HIF3A: variants seen among roughly 807,000 people sequenced by gnomAD.
The protein encoded by HIF3A is hypoxia-inducible factor 3-alpha.
A neutral mutation model predicts 67.2 loss-of-function variants in HIF3A; 41 were observed. The ratio of observed to expected loss-of-function variants is 0.61; its 90% CI spans 0.48 to 0.79. The LOEUF (loss-of-function observed/expected upper bound fraction) is 0.79. Among genes scored for constraint, HIF3A ranks in the 30% least tolerant of loss-of-function variants. HIF3A has a pLI of 0.00. For synonymous variants in HIF3A, 356 were observed against 374.8 expected (o/e 0.95, Z 0.58); for missense variants, 855 against 898.0 (o/e 0.95, Z 0.61).
chr19:46,329,031 T>C, intron 11 of HIF3A, 176 bp from the exon 12 acceptor site: 2 of 537,516 alleles, frequency 3.7e-6, no homozygotes, highest in Non-Finnish European at 6.3e-6. Context: ...TGACCCAGTT[T>C]AGGATTTCTC....
In HIF3A at chr19:46,329,305, C is replaced by T. The variant is rs1377247893; in HGVS notation, c.1539C>T (p.His513=). 6.2e-7 allele frequency: 1 copy of T among 1,613,430 alleles called. No homozygotes were observed. The highest frequency in any genetic ancestry group is 2.2e-5 in the East Asian group (1 of 44,876). ...GCGAGCAGCTACCCAGGGCCTACCA[C>T]AGACCTCTGGGGGCTGTCCCCCGGC... is the stretch of plus-strand genomic sequence containing the variant. ...NASEQLPRAY[H]RPLGAVPRPR... Residue 513 remains histidine, a synonymous_variant, in exon 12 of 15, where the codon CAC becomes CAT. Coordinates refer to ENST00000377670, the MANE Select transcript of HIF3A (RefSeq NM_152795.4).
chr19:46,310,502 C>T (rs1871206264), intron 6 of HIF3A: 1 of 409,356 alleles, frequency 2.4e-6, no homozygotes, highest in African/African-American at 2.1e-5. Flanking sequence ...TCCTTCTCTT[C>T]CTTCTTCTGT....
chr19:46,324,965 C>CATATATATATATACACAT (rs1568534267), intron 10 of HIF3A, among the ~76,000 whole-genome samples: 25 of 105,038 alleles, frequency 2.4e-4, no homozygotes, highest in African/African-American at 1.1e-3. Context: ...TATACACATA[C>CATATATATATATACACAT]ACACACACAC....
intron 11 of HIF3A, among the ~76,000 whole-genome samples, chr19:46,326,442 C>T (rs1477678936): frequency 6.6e-6 from 1 of 152,142 alleles, no homozygotes; most frequent in Non-Finnish European, 1.5e-5. Flanking sequence ...CAATCCTGTA[C>T]ACTGTGGGAG....
rs1967930125 is a variant in HIF3A at position 46,297,219 on chromosome 19, G to A, written c.26+117G>A. On this transcript the variant is annotated intron_variant, in intron 1 of 14. Transcript: ENST00000377670. The surrounding 1 kb of genome is among the most constrained non-coding windows in gnomAD (Gnocchi z 4.5). The stretch of plus-strand genomic sequence containing the variant: ...GGGTGCGAGCCAAGAACGCCCCGGG[G>A]CGCGCAGTTGGAGGCACATCCCCAC... 3.3e-6 allele frequency: 2 copies of A among 603,460 alleles called. No individual in the cohort carries two copies. The highest frequency in any genetic ancestry group is 3.2e-5 in the East Asian group (1 of 31,594). The allele number at this position is 603,460 out of a possible 1,614,324, so 37.4% of individuals were successfully genotyped here. A position where few individuals can be genotyped will look rare whatever the true frequency, so the allele number is the denominator to read the frequency against.
In HIF3A at chr19:46,308,730, C is replaced by A; in HGVS notation, c.516C>A (p.Leu172=). 1 of 1,610,344 alleles carries A rather than the reference C, an allele frequency of 6.2e-7. No individual in the cohort carries two copies. Residue 172 remains leucine (L), a synonymous_variant, in exon 5 of 15, where the codon CTC becomes CTA. Transcript: ENST00000377670. ...TCTCCTTGCGCATGAAGAGTACACT[C>A]ACCAGCCGCGGGCGCACCCTCAACC... ...RCFSLRMKST[L]TSRGRTLNLK...
intron 11 of HIF3A, 72 bp downstream of exon 11, chr19:46,325,711 A>G: frequency 9.8e-7 from 1 of 1,016,232 alleles, no homozygotes; most frequent in Non-Finnish European, 1.5e-6. Flanking sequence ...GCTTTAGAGA[A>G]GGGTAGTGGG....
chr19:46,331,216 T>C lies in HIF3A; in HGVS notation c.1773T>C (p.Pro591=). ...GAGTGGAGCTGCTGGGAGTGAGACCTCCCAAAAGGTCCCCCAGCCCAGAAC... is the reference window on the plus strand; with the variant it reads ...GAGTGGAGCTGCTGGGAGTGAGACCCCCCAAAAGGTCCCCCAGCCCAGAAC... ...DEGVELLGVR[P]PKRSPSPEHE... is the part of the protein sequence containing the mutation. Residue 591 remains proline, a synonymous_variant, in exon 13 of 15, where the codon CCT becomes CCC. Transcript: ENST00000377670. 6.2e-7 allele frequency: 1 copy of C among 1,614,014 alleles called. No individual in the cohort carries two copies. Among genetic ancestry groups the C allele is most frequent in the Non-Finnish European group, 8.5e-7 (1 of 1,179,952 alleles).
intron 9 of HIF3A, 107 bp downstream of exon 9, chr19:46,320,668 C>A: frequency 1.3e-6 from 1 of 759,176 alleles, no homozygotes; most frequent in Non-Finnish European, 2.2e-6. Context: ...CTGCCTCCTG[C>A]CTCCCTTCCC....
chr19:46,315,333 C>T (rs1969827982), intron 8 of HIF3A, among the ~76,000 whole-genome samples: 1 of 146,922 alleles, frequency 6.8e-6, no homozygotes, highest in Admixed American at 7.2e-5. Context: ...TCCCAAAGTG[C>T]TGGAATTACA....
At chr19:46,301,061 C>G (rs1202831118) in intron 1 of HIF3A, among the ~76,000 whole-genome samples, 1 of 152,178 alleles carries the variant, frequency 6.6e-6, no homozygotes, top group Non-Finnish European at 1.5e-5. Context: ...TGGAACAGAA[C>G]AGGACGGAAT....
intron 1 of HIF3A, among the ~76,000 whole-genome samples, chr19:46,303,165 G>A (rs146802573): frequency 1.1e-4 from 16 of 152,288 alleles, no homozygotes; most frequent in Non-Finnish European, 1.8e-4. Context: ...TATAAGTTTC[G>A]CACTTGGCAC....
intron 9 of HIF3A, 121 bp downstream of exon 9, chr19:46,320,682 G>T (rs994542353): frequency 1.4e-6 from 1 of 691,598 alleles, no homozygotes; most frequent in Non-Finnish European, 2.5e-6. Context: ...CCTTCCCTGC[G>T]CACTCAGCCT....
intron 1 of HIF3A, 82 bp from the exon 2 acceptor site, chr19:46,303,816 C>A: frequency 6.6e-7 from 1 of 1,524,980 alleles, no homozygotes; most frequent in Admixed American, 2.0e-5. Flanking sequence ...CCCGGCCCCA[C>A]GTGGCAGCTC....
In HIF3A at chr19:46,312,648, A is replaced by T. The variant is rs763966293; in HGVS notation, c.1020A>T (p.Leu340Phe). ...AGAGTATCGTCTGTGTCCATTTTTT[A>T]ATCAGGTAAGCAGGAGGAGGGGCTG... ...QSESIVCVHF[L>F]ISQVEETGVV... Residue 340 changes from leucine (L) to phenylalanine (F), a missense_variant, in exon 8 of 15, where the codon TTA becomes TTT. Leu to Phe is a conservative substitution (Grantham distance 22, BLOSUM62 0). Around this residue, in one of 3 missense-constraint regions of HIF3A, gnomAD observed 638 missense variants for 660.5 expected, o/e 0.97. Transcript: ENST00000377670. The T allele has an allele frequency of 6.4e-7, 1 of 1,554,660 alleles. No homozygotes were observed. Among genetic ancestry groups the T allele is most frequent in the East Asian group, 2.3e-5 (1 of 44,262 alleles).
chr19:46,327,288 A>G (rs1970855976), intron 11 of HIF3A, among the ~76,000 whole-genome samples: 1 of 150,726 alleles, frequency 6.6e-6, no homozygotes, highest in Non-Finnish European at 1.5e-5. Flanking sequence ...GGTGCTCTTC[A>G]TTGCTCTGAG....
Position 46,308,407 on chromosome 19 carries a change from G to A in HIF3A, c.448+102G>A. On this transcript the variant is annotated intron_variant, in intron 4 of 14. Transcript: ENST00000377670. ...CACCTCCTGTGGAACACCAGACTAA[G>A]ACAAGTAGGAAGAGGAGAGATGGCC... The A allele has an allele frequency of 5.1e-6, 4 of 777,692 alleles. No individual in the cohort carries two copies. In the South Asian group the frequency reaches 6.6e-5, roughly 13 times the overall value. 48.2% of individuals were successfully genotyped at this position (777,692 alleles called of 1,614,324 possible).
rs766900353 is a variant in HIF3A, at chr19:46,321,875, G to A, written c.1244G>A (p.Arg415His). The change falls in exon 10 of 15, where the codon CGT becomes CAT. Residue 415 changes from arginine to histidine, a missense_variant. By Grantham distance (29) the Arg-to-His change is conservative. Transcript: ENST00000377670. ...CGCCGTTTCTGCAGCCCTGACCTCC[G>A]TCGCCTCCTGGGACCCATCCTGGAT... Reference protein sequence around the residue: ...DPRRFCSPDLRRLLGPILDGA... With the variant: ...DPRRFCSPDLHRLLGPILDGA... The A allele has an allele frequency of 1.3e-5, 21 of 1,613,788 alleles. 1 individual carries two copies. The highest frequency in any genetic ancestry group is 7.7e-5 in the South Asian group (7 of 91,084).
At chr19:46,313,469 A>AAAG (rs1555781369) in intron 8 of HIF3A, 1 of 189,410 alleles carries the variant, frequency 5.3e-6, no homozygotes, top group East Asian at 1.9e-4. Context: ...AAAAAAAAAA[A>AAAG]AAAAAAAAAC....
Sources: allele counts gnomAD v4.1 joint callset (sites outside exome capture counted in the v4.1 genomes callset), GRCh38; gene constraint gnomAD v4.1.1; regional missense constraint gnomAD v4.1.1; non-coding constraint Gnocchi (gnomAD v3.1); transcripts MANE v1.5; gene names NCBI Gene and HGNC (gene_info 2026-07-23, HGNC 2026-07-21).